Variants in SYNE2 observed in about 807,000 individuals in gnomAD.
The protein encoded by SYNE2 is nesprin-2.
A neutral mutation model predicts 856.3 loss-of-function variants in SYNE2; 431 were observed. The observed-to-expected ratio is 0.50, with a 90% CI of 0.47 to 0.55. The LOEUF is 0.55. Among genes scored for constraint, SYNE2 ranks in the 20% least tolerant of loss-of-function variants. SYNE2 has a pLI of 0.00. For missense variants in SYNE2, 8,129 were observed against 8,023.2 expected (o/e 1.01, Z -0.50); for synonymous variants, 2,923 against 2,872.3 (o/e 1.02, Z -0.56).
chr14:63,974,892 G>GTGTGTGTGTGTATATA (rs1375697679), intron 11 of SYNE2, among the ~76,000 whole-genome samples: 1 of 67,322 alleles, frequency 1.5e-5, no homozygotes, highest in East Asian at 4.6e-4. Flanking sequence ...GTGTGTGTGT[G>GTGTGTGTGTGTATATA]TATATATATA....
chr14:64,109,344 C>G (rs73279583), intron 65 of SYNE2, among the ~76,000 whole-genome samples: 18,769 of 151,482 alleles, frequency 0.12, 2,511 homozygotes, highest in African/African-American at 0.34. Flanking sequence ...GGGCCAGGTA[C>G]TGGGATTTTA....
chr14:64,209,136 G>C, intron 101 of SYNE2, 191 bp downstream of exon 101: 6 of 893,618 alleles, frequency 6.7e-6, no homozygotes, highest in East Asian at 2.6e-5. Flanking sequence ...CTCCCCAGCT[G>C]TCCTGTGTGG....
intron 34 of SYNE2, 23 bp from the exon 35 acceptor site, chr14:64,019,969 T>G (rs1380697150): frequency 2.0e-6 from 3 of 1,467,280 alleles, no homozygotes; most frequent in African/African-American, 2.8e-5. Context: ...AAAGACACTA[T>G]CCTTTAAAAT....
At chr14:63,929,432 T>G (rs2095714759) in intron 2 of SYNE2, among the ~76,000 whole-genome samples, 3 of 152,136 alleles carry the variant, frequency 2.0e-5, no homozygotes, top group Admixed American at 2.0e-4. Flanking sequence ...GATAATATGA[T>G]AAAGAGTAAT....
intron 1 of SYNE2, among the ~76,000 whole-genome samples, chr14:63,847,721 G>A (rs1213059444): frequency 6.6e-6 from 1 of 151,568 alleles, no homozygotes; most frequent in Non-Finnish European, 1.5e-5. Flanking sequence ...AAGTAGCTGG[G>A]ATTACAGGTG....
intron 82 of SYNE2, 25 bp downstream of exon 82, chr14:64,142,113 T>C (rs1026083316): frequency 1.2e-6 from 2 of 1,613,558 alleles, no homozygotes; most frequent in African/African-American, 1.3e-5. Context: ...GGAGCAGAAG[T>C]CTTTTCATTG....
At chr14:64,091,484 G>A (rs1567268321) in intron 60 of SYNE2, among the ~76,000 whole-genome samples, 1 of 152,194 alleles carries the variant, frequency 6.6e-6, no homozygotes, top group South Asian at 2.1e-4. Context: ...TAAGGAAATT[G>A]GCATCAGGGT....
chr14:64,139,916 TTC>T (rs781183989), intron 79 of SYNE2, 23 bp from the exon 80 acceptor site: 24 of 1,613,612 alleles, frequency 1.5e-5, no homozygotes, highest in Non-Finnish European at 2.0e-5. Context: ...CTAATCTGCC[TTC>T]TCTCTCACTT....
intron 1 of SYNE2, among the ~76,000 whole-genome samples, chr14:63,769,729 A>T (rs1886831916): frequency 6.6e-6 from 1 of 150,914 alleles, no homozygotes; most frequent in Non-Finnish European, 1.5e-5. Flanking sequence ...AAAAAAAAAA[A>T]AAAAGAAAGA....
At chr14:63,784,304 A>G (rs911304196) in intron 1 of SYNE2, among the ~76,000 whole-genome samples, 4 of 150,238 alleles carry the variant, frequency 2.7e-5, no homozygotes, top group Non-Finnish European at 5.9e-5. Flanking sequence ...CAGCGTGTCC[A>G]ATATGGTGAA....
chr14:63,943,625 TA>T, intron 6 of SYNE2, among the ~76,000 whole-genome samples: 1 of 151,998 alleles, frequency 6.6e-6, no homozygotes, highest in Non-Finnish European at 1.5e-5. Context: ...GAAAGAGGCT[TA>T]AATTGTATCT....
At chr14:64,058,691 G>A (rs1473964194) in intron 49 of SYNE2, among the ~76,000 whole-genome samples, 1 of 152,252 alleles carries the variant, frequency 6.6e-6, no homozygotes, top group Non-Finnish European at 1.5e-5. Context: ...ATGTCGGCCA[G>A]GCTGGTCTCG....
chr14:63,946,928 C>T (rs2096041624), intron 6 of SYNE2, among the ~76,000 whole-genome samples: 2 of 151,986 alleles, frequency 1.3e-5, no homozygotes, highest in Admixed American at 6.6e-5. Flanking sequence ...TGACTCACTG[C>T]AATGTCTGTC....
At chr14:64,013,472 C>T (rs995320022) in intron 32 of SYNE2, among the ~76,000 whole-genome samples, 2 of 152,082 alleles carry the variant, frequency 1.3e-5, no homozygotes, top group African/African-American at 4.8e-5. Context: ...CAGCCCTCAC[C>T]CCACTCCCAC....
At chr14:64,224,926 A>G in intron 114 of SYNE2, 73 bp from the exon 115 acceptor site, 6 of 1,276,596 alleles carry the variant, frequency 4.7e-6, no homozygotes, top group South Asian at 1.3e-5. Context: ...TTAAGGGAGG[A>G]TTTTTTTTTT....
rs1595155243 is a variant in SYNE2, at chr14:64,052,294, C to G, written c.8381C>G (p.Pro2794Arg). Residue 2794 changes from proline to arginine, a missense_variant, in exon 48 of 116, where the codon CCT (proline) becomes CGT (arginine). Physicochemically the swap from Pro to Arg is moderately radical, Grantham distance 103 (BLOSUM62 -2). This residue lies in a region of SYNE2 where 5,410 missense variants were observed against 5,284.8 expected (regional missense o/e 1.02). Transcript: ENST00000555002. ...SLAEEVKDKVPSLTTYEGSDL... is the reference protein window; with the variant it reads ...SLAEEVKDKVRSLTTYEGSDL... ...GCTGAAGAGGTCAAAGATAAGGTTC[C>G]TAGCCTTACAACCTATGAGGGCAGT... 6.2e-7 allele frequency: 1 copy of G among 1,614,158 alleles called. No homozygotes were observed. Among genetic ancestry groups the G allele is most frequent in the Non-Finnish European group, 8.5e-7 (1 of 1,180,032 alleles).
chr14:64,081,019 T>A (rs1320991327), intron 56 of SYNE2, among the ~76,000 whole-genome samples: 1 of 152,164 alleles, frequency 6.6e-6, no homozygotes, highest in Non-Finnish European at 1.5e-5. Context: ...CTCTCTACCC[T>A]CCTTCCAAAT....
intron 2 of SYNE2, among the ~76,000 whole-genome samples, chr14:63,929,634 G>A (rs983766619): frequency 6.6e-6 from 1 of 152,066 alleles, no homozygotes; most frequent in African/African-American, 2.4e-5. Context: ...AGCTGGGCGT[G>A]GGGGTGGGCG....
chr14:63,955,345 C>T (rs906879080), intron 8 of SYNE2, among the ~76,000 whole-genome samples: 1 of 152,042 alleles, frequency 6.6e-6, no homozygotes. Flanking sequence ...CCCGTCTGTC[C>T]CTATGTGGTT....
Sources: gnomAD v4.1 joint callset for allele counts (sites outside exome capture counted in the v4.1 genomes callset) on GRCh38, gnomAD v4.1.1 for gene constraint, gnomAD v4.1.1 regional missense constraint, MANE v1.5 for transcripts, NCBI Gene and HGNC (gene_info 2026-07-23, HGNC 2026-07-21) for gene names.